HMCN2: variants seen among roughly 807,000 people sequenced by gnomAD.
HMCN2 encodes hemicentin 2, also known as hemicentin-2.
A neutral mutation model predicts 377.5 loss-of-function variants in HMCN2; 325 were observed. The ratio of observed to expected loss-of-function variants is 0.86; its 90% CI spans 0.79 to 0.94. The LOEUF (loss-of-function observed/expected upper bound fraction) is 0.94. Among genes scored for constraint, HMCN2 ranks in the 40% least tolerant of loss-of-function variants. The pLI is 0.00. For synonymous variants in HMCN2, 2,007 were observed against 2,046.8 expected (o/e 0.98, Z 0.53); for missense variants, 4,543 against 4,725.3 (o/e 0.96, Z 1.13).
chr9:130,358,277 G>A, intron 35 of HMCN2, 113 bp from the exon 36 acceptor site: 3 of 1,214,144 alleles, frequency 2.5e-6, no homozygotes. Flanking sequence ...AGCCAAAAGT[G>A]TCCCCATGCC....
In HMCN2 at chr9:130,382,207, CT is replaced by C; in HGVS notation, c.8456del (p.Leu2819ArgfsTer30). ...AGGAGGCCGGGTCCTGCAGATCCCC[CT>C]GGTGCGGGCAGAGAACGCCGGGAGG... Reference protein sequence around the residue: ...LQGGRVLQIPLVRAENAGRYS... With the variant: ...LQGGRVLQIPXVRAENAGRYS... On this transcript the variant is annotated frameshift_variant, in exon 55 of 98. Transcript: ENST00000683500. LOFTEE classifies it high-confidence loss of function. 1 of 985,868 alleles carries C rather than the reference CT, an allele frequency of 1.0e-6. No individual in the cohort carries two copies. The highest frequency in any genetic ancestry group is 1.2e-6 in the Non-Finnish European group (1 of 829,954). The allele number at this position is 985,868 out of a possible 1,614,324, so 61.1% of individuals were successfully genotyped here.
chr9:130,339,977 G>A (rs941523001), intron 23 of HMCN2, among the ~76,000 whole-genome samples: 19 of 152,342 alleles, frequency 1.2e-4, no homozygotes, highest in African/African-American at 3.6e-4. Context: ...GTTTGGCCCC[G>A]CAGGGGCCTG....
intron 4 of HMCN2, among the ~76,000 whole-genome samples, chr9:130,294,122 T>C (rs1835969393): frequency 6.6e-6 from 1 of 152,088 alleles, no homozygotes; most frequent in Non-Finnish European, 1.5e-5. Flanking sequence ...CTAAATAAGT[T>C]TGTGCTCAGT....
intron 1 of HMCN2, among the ~76,000 whole-genome samples, chr9:130,279,059 A>G (rs1027570950): frequency 6.6e-6 from 1 of 150,956 alleles, no homozygotes; most frequent in Non-Finnish European, 1.5e-5. Flanking sequence ...CACCAGGCCC[A>G]GCTAATTTTT....
In HMCN2 at chr9:130,402,840, G is replaced by C; in HGVS notation, c.11822G>C (p.Cys3941Ser). The C allele has an allele frequency of 2.3e-6, 3 of 1,289,752 alleles. No individual in the cohort carries two copies. Among genetic ancestry groups the C allele is most frequent in the Non-Finnish European group, 3.0e-6 (3 of 988,850 alleles). 79.9% of individuals were successfully genotyped at this position (1,289,752 alleles called of 1,614,324 possible). The change falls in exon 78 of 98, where the codon TGC (cysteine) becomes TCC (serine). Residue 3941 changes from cysteine (C) to serine (S), a missense_variant. Physicochemically the swap from Cys to Ser is moderately radical, Grantham distance 112. Around this residue, in one of 5 missense-constraint regions of HMCN2, gnomAD observed 1,073 missense variants for 1,319.5 expected, o/e 0.81. Transcript: ENST00000683500. The stretch of plus-strand genomic sequence containing the variant: ...CCCATCCACGCAGGCCGCTACACCT[G>C]CTCAGCCCGCAACTCTGCCGGCGTA... ...ALPIHAGRYTCSARNSAGVAH... is the reference protein window; with the variant it reads ...ALPIHAGRYTSSARNSAGVAH...
At position 130,425,082 on chromosome 9, in the gene HMCN2, C is replaced by T; in HGVS notation, c.13593C>T (p.Val4531=). Residue 4531 remains valine (V), a synonymous_variant, in exon 89 of 98, where the codon GTC becomes GTT. Transcript: ENST00000683500. ...GCCTCCTGCTCCTCGACGTGGTGGT[C>T]AATGGCGTTGTCCCCGAGAGCCTGG... ...PDGLLLLDVV[V]NGVVPESLAD... 1 of 1,550,042 alleles carries T rather than the reference C, an allele frequency of 6.5e-7. No homozygotes were observed. Among genetic ancestry groups the T allele is most frequent in the Non-Finnish European group, 8.7e-7 (1 of 1,146,876 alleles).
chr9:130,368,559 C>CA (rs755902897), intron 44 of HMCN2, 122 bp downstream of exon 44: 19 of 414,440 alleles, frequency 4.6e-5, no homozygotes, highest in Non-Finnish European at 5.5e-5. Flanking sequence ...TCTCCTCCCT[C>CA]ACGTTCCTGG....
intron 31 of HMCN2, 98 bp from the exon 32 acceptor site, chr9:130,354,665 T>C: frequency 9.8e-7 from 1 of 1,019,866 alleles, no homozygotes; most frequent in Middle Eastern, 2.8e-4. Context: ...TCACATGGAG[T>C]GGGGTCGGTG....
chr9:130,354,966 G>A lies in HMCN2; in HGVS notation c.5068G>A (p.Ala1690Thr), dbSNP rs1484111107. 1 of 1,301,232 alleles carries A rather than the reference G, an allele frequency of 7.7e-7. No individual in the cohort carries two copies. Among genetic ancestry groups the A allele is most frequent in the African/African-American group, 1.5e-5 (1 of 65,974 alleles). 80.6% of individuals were successfully genotyped at this position (1,301,232 alleles called of 1,614,324 possible). The change falls in exon 32 of 98, where the codon GCA becomes ACA. Residue 1690 changes from alanine to threonine, a missense_variant. This residue lies in a region of HMCN2 where 1,032 missense variants were observed against 1,285.1 expected (regional missense o/e 0.80). Coordinates refer to ENST00000683500, the MANE Select transcript of HMCN2 (RefSeq NM_001291815.2). ...SVLRLESPGE[A>T]SSGLYSCVAS... The stretch of plus-strand genomic sequence containing the variant: ...GCTGAGGCTGGAGAGCCCGGGGGAG[G>A]CATCCAGTGGCCTGTACAGCTGTGT...
At chr9:130,306,348 C>G in intron 12 of HMCN2, 78 bp downstream of exon 12, 1 of 443,728 alleles carries the variant, frequency 2.3e-6, no homozygotes, top group Non-Finnish European at 4.8e-6. Context: ...TGGGCCTTGG[C>G]CTTCCTATCT....
rs1439092735 is a variant in HMCN2, at chr9:130,405,935, A to G, written c.12340-20A>G. The G allele has an allele frequency of 1.6e-6, 2 of 1,277,302 alleles. No homozygotes were observed. The highest frequency in any genetic ancestry group is 1.2e-5 in the South Asian group (1 of 80,322). 79.1% of individuals were successfully genotyped at this position (1,277,302 alleles called of 1,614,324 possible). On this transcript the variant is annotated intron_variant, in intron 81 of 97. Transcript: ENST00000683500. The stretch of plus-strand genomic sequence containing the variant: ...CCGAGGTGGGGCAGTTCTCCGGCCA[A>G]CCCCTTTCTTTGCTCACAGGGCCAG...
intron 22 of HMCN2, among the ~76,000 whole-genome samples, chr9:130,334,235 A>G (rs934386452): frequency 2.1e-4 from 32 of 152,052 alleles, no homozygotes; most frequent in African/African-American, 7.7e-4. Context: ...GATGCAGGGG[A>G]GTTGGGGGTG....
intron 46 of HMCN2, among the ~76,000 whole-genome samples, chr9:130,371,977 G>T (rs1276518581): frequency 6.6e-6 from 1 of 152,190 alleles, no homozygotes; most frequent in Admixed American, 6.5e-5. Flanking sequence ...GGTCTGCTGG[G>T]CCAGGACTAC....
At chr9:130,427,163 G>C in intron 90 of HMCN2, 150 bp from the exon 91 acceptor site, 1 of 779,388 alleles carries the variant, frequency 1.3e-6, no homozygotes, top group East Asian at 2.7e-5. Context: ...ACAGGCCTGG[G>C]CAGGAAATGG....
chr9:130,272,483 C>T lies in HMCN2; in HGVS notation c.259+6346C>T, dbSNP rs181851626. 1.6e-3 allele frequency among the ~76,000 whole-genome samples: 195 copies of T among 124,550 alleles called. 18 individuals carry two copies. The highest frequency in any genetic ancestry group is 4.6e-3 in the Admixed American group (60 of 12,946). 81.7% of individuals were successfully genotyped at this position (124,550 alleles called of 152,430 possible). The stretch of plus-strand genomic sequence containing the variant: ...CTTGAACTCCTGACCTCAAAGGATC[C>T]TCCTGCCTTGGCCTCCCAAAGTCCT... On this transcript the variant is annotated intron_variant, in intron 1 of 97. Coordinates refer to ENST00000683500, the MANE Select transcript of HMCN2 (RefSeq NM_001291815.2).
intron 8 of HMCN2, among the ~76,000 whole-genome samples, chr9:130,301,746 G>A (rs1056041013): frequency 6.6e-6 from 1 of 152,208 alleles, no homozygotes; most frequent in African/African-American, 2.4e-5. Context: ...TCTCATTCCC[G>A]GAGCATCTCT....
chr9:130,415,710 C>G (rs1246858597), intron 85 of HMCN2, among the ~76,000 whole-genome samples: 1 of 152,210 alleles, frequency 6.6e-6, no homozygotes, highest in Non-Finnish European at 1.5e-5. Flanking sequence ...TCAGGTCTCC[C>G]CTGCACAGGT....
rs1844085782 is a variant in HMCN2, at chr9:130,422,652, C to A, written c.13307C>A (p.Thr4436Asn). ...AAATTTGGCGTGGCCACACTCAACA[C>A]CAGCGTGATGCAGGAGGCACACTCC... ...GRKFGVATLN[T>N]SVMQEAHSGV... Residue 4436 changes from threonine (T) to asparagine (N), a missense_variant, in exon 87 of 98, where the codon ACC becomes AAC. Coordinates refer to ENST00000683500, the MANE Select transcript of HMCN2 (RefSeq NM_001291815.2). The surrounding 1 kb of genome is among the most constrained non-coding windows in gnomAD (Gnocchi z 4.2). The A allele has an allele frequency of 7.5e-7, 1 of 1,325,686 alleles. No individual in the cohort carries two copies. The highest frequency in any genetic ancestry group is 9.7e-7 in the Non-Finnish European group (1 of 1,030,634). The allele number at this position is 1,325,686 out of a possible 1,614,324, so 82.1% of individuals were successfully genotyped here.
intron 15 of HMCN2, among the ~76,000 whole-genome samples, chr9:130,312,614 T>C (rs1026362363): frequency 3.7e-4 from 37 of 100,052 alleles, no homozygotes; most frequent in South Asian, 9.1e-4. Context: ...CTTTCTTTCT[T>C]TCTCTGTCTC....
Sources: gnomAD v4.1 joint callset for allele counts (sites outside exome capture counted in the v4.1 genomes callset) on GRCh38, gnomAD v4.1.1 for gene constraint, gnomAD v4.1.1 regional missense constraint, Gnocchi (gnomAD v3.1) non-coding constraint, MANE v1.5 for transcripts, NCBI Gene and HGNC (gene_info 2026-07-23, HGNC 2026-07-21) for gene names.